USP44: variants seen among roughly 807,000 people sequenced by gnomAD.
USP44 encodes the protein ubiquitin carboxyl-terminal hydrolase 44.
In USP44, 61 loss-of-function variants were observed where a neutral mutation model predicts 69.0. The observed-to-expected ratio is 0.88, with a 90% CI of 0.72 to 1.09. USP44 has a LOEUF of 1.09. Among genes scored for constraint, USP44 ranks in the 50% least tolerant of loss-of-function variants. The probability of loss-of-function intolerance (pLI) is 0.00; values close to 1 mark genes in which losing one functional copy is unlikely to be tolerated. For synonymous variants in USP44, 297 were observed against 295.4 expected (o/e 1.01, Z -0.06); for missense variants, 753 against 849.9 (o/e 0.89, Z 1.42).
chr12:95,550,382 T>C (rs2077704325), intron 1 of USP44, among the ~76,000 whole-genome samples: 1 of 152,162 alleles, frequency 6.6e-6, no homozygotes, highest in Non-Finnish European at 1.5e-5. Flanking sequence ...AATACTCATT[T>C]TGTTCTTTTT....
At chr12:95,541,874 ATTTTTTTT>A (rs34060895) in intron 1 of USP44, among the ~76,000 whole-genome samples, 1 of 99,560 alleles carries the variant, frequency 1.0e-5, no homozygotes, top group East Asian at 2.9e-4. Flanking sequence ...TATCATCTCC[ATTTTTTTT>A]TTTTTTTTTT....
rs2077667595 is a variant in USP44, at chr12:95,548,851, G to T, written c.-71+2421C>A. On this transcript the variant is annotated intron_variant, in intron 1 of 5. Coordinates refer to ENST00000258499, the MANE Select transcript of USP44 (RefSeq NM_032147.5). This position sits in a 1 kb window ranked among gnomAD's most constrained non-coding sequence, Gnocchi z 4.1. ...TCGGCGGCCGCGACGACCCGGTGCG[G>T]CGGCTACGACAGCCGTGACGCGCAG... 1 of 152,088 alleles carries T rather than the reference G, an allele frequency of 6.6e-6. No individual in the cohort carries two copies. The highest frequency in any genetic ancestry group is 2.4e-5 in the African/African-American group (1 of 41,424). The allele number at this position is 152,088 out of a possible 1,614,324, so 9.4% of individuals were successfully genotyped here.
intron 2 of USP44, among the ~76,000 whole-genome samples, chr12:95,529,272 C>T (rs1459802602): frequency 2.6e-5 from 4 of 152,054 alleles, no homozygotes; most frequent in Non-Finnish European, 5.9e-5. Flanking sequence ...AAAATCCAAA[C>T]TGTGGACACA....
chr12:95,543,966 C>CAAAAA (rs760105964), intron 1 of USP44, among the ~76,000 whole-genome samples: 7 of 47,672 alleles, frequency 1.5e-4, no homozygotes, highest in East Asian at 8.3e-4. Context: ...GACTGCATCT[C>CAAAAA]AAAAAAAAAA....
intron 5 of USP44, 144 bp from the exon 6 acceptor site, chr12:95,518,497 T>C: frequency 1.2e-6 from 1 of 822,436 alleles, no homozygotes; most frequent in Non-Finnish European, 1.9e-6. Flanking sequence ...GATTGGGCAG[T>C]GTTACCCTGG....
In USP44 at chr12:95,528,873, T is replaced by C. The variant is rs773618919; in HGVS notation, c.1558A>G (p.Met520Val). 9 of 1,614,074 alleles carry C rather than the reference T, an allele frequency of 5.6e-6. No homozygotes were observed. The East Asian group carries it at 6.7e-5, about 12-fold the overall frequency. ...TCAGTTTCTGTAAATTTGGCCAACATTTCAGTAACCAGACATGGCTGGGAA... is the reference window on the plus strand; with the variant it reads ...TCAGTTTCTGTAAATTTGGCCAACACTTCAGTAACCAGACATGGCTGGGAA... ...IASQPCLVTEMLAKFTETEAL... is the reference protein window; with the variant it reads ...IASQPCLVTEVLAKFTETEAL... Residue 520 changes from methionine to valine, a missense_variant, in exon 3 of 6, where the codon ATG becomes GTG. By Grantham distance (21) the Met-to-Val change is conservative. Transcript: ENST00000258499.
At position 95,517,271 on chromosome 12, in the gene USP44, C is replaced by A. The variant is rs1458210629; in HGVS notation, c.*883G>T. On this transcript the variant is annotated 3_prime_UTR_variant, in exon 6 of 6. Transcript: ENST00000258499. ...TATCTTTTCTGCCCTATAATTTTTTCTCTTCAAGACTCTATTCCTTTGAAC... is the reference window on the plus strand; with the variant it reads ...TATCTTTTCTGCCCTATAATTTTTTATCTTCAAGACTCTATTCCTTTGAAC... The A allele has an allele frequency of 6.6e-6, 1 of 151,776 alleles. No individual in the cohort carries two copies. The highest frequency in any genetic ancestry group is 1.5e-5 in the Non-Finnish European group (1 of 67,932). The allele number at this position is 151,776 out of a possible 1,614,324, so 9.4% of individuals were successfully genotyped here. A position where few individuals can be genotyped will look rare whatever the true frequency, so the allele number is the denominator to read the frequency against.
At chr12:95,540,894 C>T (rs1001608109) in intron 1 of USP44, among the ~76,000 whole-genome samples, 3 of 152,060 alleles carry the variant, frequency 2.0e-5, no homozygotes, top group Non-Finnish European at 4.4e-5. Flanking sequence ...TTTTAATTTC[C>T]TCATTATGAA....
At chr12:95,540,467 C>T (rs1454837023) in intron 1 of USP44, among the ~76,000 whole-genome samples, 6 of 151,742 alleles carry the variant, frequency 4.0e-5, no homozygotes, top group East Asian at 3.9e-4. Context: ...CTCAGCCTCC[C>T]GAGTAGCTGG....
At chr12:95,532,167 GTTT>G (rs1272256143) in intron 2 of USP44, among the ~76,000 whole-genome samples, 35 of 126,650 alleles carry the variant, frequency 2.8e-4, no homozygotes, top group Admixed American at 6.1e-4. Flanking sequence ...CTTTCTTTGG[GTTT>G]TTTTTTTTTT....
rs536587963 is a variant in USP44, at chr12:95,532,988, G to A, written c.1269C>T (p.Asp423=). The A allele has an allele frequency of 1.6e-5, 26 of 1,614,204 alleles. No homozygotes were observed. The highest frequency in any genetic ancestry group is 6.7e-5 in the African/African-American group (5 of 75,062). The part of the protein sequence containing the change: ...IPAFRGYAQQ[D]AQEFLCELLD... ...AAAGTTCACAAAGAAATTCCTGAGC[G>A]TCTTGTTGGGCGTAACCACGAAAGG... Residue 423 remains aspartate (D), a synonymous_variant, in exon 2 of 6, where the codon GAC becomes GAT. Transcript: ENST00000258499.
intron 1 of USP44, among the ~76,000 whole-genome samples, chr12:95,539,266 A>C (rs562724100): frequency 4.8e-4 from 73 of 150,752 alleles, no homozygotes; most frequent in African/African-American, 1.7e-3. Flanking sequence ...TGCTCTGTCA[A>C]CCAGGCTGGA....
chr12:95,522,937 C>T (rs1344305288), intron 4 of USP44, among the ~76,000 whole-genome samples: 3 of 152,106 alleles, frequency 2.0e-5, no homozygotes, highest in Non-Finnish European at 4.4e-5. Context: ...ACACTGCCCC[C>T]AACCCCCAAA....
At chr12:95,544,921 C>T (rs1396793155) in intron 1 of USP44, among the ~76,000 whole-genome samples, 14 of 151,894 alleles carry the variant, frequency 9.2e-5, no homozygotes, top group Admixed American at 9.2e-4. Flanking sequence ...CTAAAATAGC[C>T]ACGATTTTAT....
intron 1 of USP44, among the ~76,000 whole-genome samples, chr12:95,538,092 T>A (rs1268139708): frequency 2.6e-5 from 4 of 152,134 alleles, no homozygotes; most frequent in African/African-American, 9.7e-5. Flanking sequence ...AAGGGTGAAA[T>A]CTTGATTAGA....
At chr12:95,523,349 G>A (rs971949090) in intron 4 of USP44, among the ~76,000 whole-genome samples, 1 of 152,110 alleles carries the variant, frequency 6.6e-6, no homozygotes, top group Non-Finnish European at 1.5e-5. Context: ...AGTCTTGTGG[G>A]ACTGAGCTCT....
intron 4 of USP44, 60 bp from the exon 5 acceptor site, chr12:95,521,262 G>T: frequency 2.7e-6 from 4 of 1,500,648 alleles, no homozygotes; most frequent in Admixed American, 1.7e-5. Context: ...CACGTACTAG[G>T]TCTAGACACT....
intron 1 of USP44, among the ~76,000 whole-genome samples, chr12:95,541,538 C>G (rs889689089): frequency 6.6e-6 from 1 of 151,968 alleles, no homozygotes; most frequent in Non-Finnish European, 1.5e-5. Flanking sequence ...CATGATGGTG[C>G]CACTGTACTG....
intron 3 of USP44, among the ~76,000 whole-genome samples, chr12:95,527,841 T>C (rs1211162677): frequency 2.0e-4 from 29 of 148,092 alleles, no homozygotes; most frequent in South Asian, 4.3e-4. Flanking sequence ...AGATGCTTTT[T>C]TTTTTTTTTT....
Sources: gnomAD v4.1 joint callset for allele counts (sites outside exome capture counted in the v4.1 genomes callset) on GRCh38, gnomAD v4.1.1 for gene constraint, Gnocchi (gnomAD v3.1) non-coding constraint, MANE v1.5 for transcripts, NCBI Gene and HGNC (gene_info 2026-07-23, HGNC 2026-07-21) for gene names.